The following TULP4 variants were observed in gnomAD, a reference collection of about 807,000 sequenced individuals.
The protein encoded by TULP4 is TUB like protein 4, also known as tubby-related protein 4.
TULP4 carries 16 observed loss-of-function variants against 129.0 expected under a neutral mutation model. The ratio of observed to expected loss-of-function variants is 0.12; its 90% confidence interval spans 0.08 to 0.19. The LOEUF (loss-of-function observed/expected upper bound fraction) is 0.19. Among genes scored for constraint, TULP4 ranks in the 10% least tolerant of loss-of-function variants. The pLI is 1.00. For synonymous variants in TULP4, 998 were observed against 854.0 expected (o/e 1.17, Z -2.94); for missense variants, 1,842 against 2,059.1 (o/e 0.89, Z 2.04).
At chr6:158,254,035 T>C (rs937892387) in intron 1 of TULP4, among the ~76,000 whole-genome samples, 1 of 151,034 alleles carries the variant, frequency 6.6e-6, no homozygotes, top group Non-Finnish European at 1.5e-5. Context: ...CAAGACTCTG[T>C]CTCAAAAAAA....
At chr6:158,247,378 T>C (rs1778048579) in intron 1 of TULP4, among the ~76,000 whole-genome samples, 1 of 152,248 alleles carries the variant, frequency 6.6e-6, no homozygotes, top group African/African-American at 2.4e-5. Flanking sequence ...TTTGTATGTT[T>C]CAGCTATTGA....
rs1779891498 is a variant in TULP4, at chr6:158,331,742, T to TACGTGTATATACACGTGTATATATAC, written c.252+17479_252+17504dup. Reference sequence around the variant, plus strand: ...ACACACACACACATACGTATATATATACGTGTATATACACGTGTATATATA... The same window carrying TACGTGTATATACACGTGTATATATAC: ...ACACACACACACATACGTATATATATACGTGTATATACACGTGTATATATACACGTGTATATACACGTGTATATATA... On this transcript the variant is annotated intron_variant, in intron 1 of 13. Coordinates refer to ENST00000367097, the MANE Select transcript of TULP4 (RefSeq NM_020245.5). Among the ~76,000 whole-genome samples the TACGTGTATATACACGTGTATATATAC allele has an allele frequency of 1.8e-4, 2 of 11,348 alleles. 1 individual carries two copies. Among genetic ancestry groups the TACGTGTATATACACGTGTATATATAC allele is most frequent in the African/African-American group, 4.7e-4 (2 of 4,220 alleles). The allele number at this position is 11,348 out of a possible 152,430, so 7.4% of individuals were successfully genotyped here.
chr6:158,255,004 G>A (rs1183735080), intron 1 of TULP4, among the ~76,000 whole-genome samples: 4 of 152,224 alleles, frequency 2.6e-5, no homozygotes, highest in Non-Finnish European at 5.9e-5. Context: ...CCCAGGAGGT[G>A]GAGGTTGCAG....
intron 1 of TULP4, among the ~76,000 whole-genome samples, chr6:158,343,741 G>C (rs1780239535): frequency 6.6e-6 from 1 of 152,200 alleles, no homozygotes; most frequent in South Asian, 2.1e-4. Flanking sequence ...CCTGAACTAA[G>C]ACAGGCAGGA....
intron 2 of TULP4, among the ~76,000 whole-genome samples, chr6:158,421,084 G>T (rs1054955730): frequency 2.0e-5 from 3 of 152,114 alleles, no homozygotes; most frequent in Non-Finnish European, 2.9e-5. Flanking sequence ...ATTGGTGGCC[G>T]GGCGCGGTGG....
chr6:158,246,491 CAA>C (rs72465395), intron 1 of TULP4, among the ~76,000 whole-genome samples: 61 of 119,866 alleles, frequency 5.1e-4, no homozygotes, highest in Admixed American at 6.4e-4. Flanking sequence ...GACTCCATCT[CAA>C]AAAAAAAAAA....
intron 1 of TULP4, among the ~76,000 whole-genome samples, chr6:158,384,517 T>A (rs185966097): frequency 6.6e-6 from 1 of 152,280 alleles, no homozygotes; most frequent in African/African-American, 2.4e-5. Context: ...CTTGATCTCC[T>A]GACCTCATGA....
intron 1 of TULP4, among the ~76,000 whole-genome samples, chr6:158,377,090 A>G (rs189377888): frequency 1.3e-5 from 2 of 152,334 alleles, no homozygotes; most frequent in Admixed American, 1.3e-4. Context: ...AGATTTTTAA[A>G]TTATTGCTGT....
At chr6:158,277,034 G>T (rs1322557877) in intron 1 of TULP4, among the ~76,000 whole-genome samples, 1 of 152,060 alleles carries the variant, frequency 6.6e-6, no homozygotes, top group Non-Finnish European at 1.5e-5. Context: ...CAACTTCCCA[G>T]GCTCAGGTGG....
At chr6:158,311,706 G>A (rs1385644108), upstream of TULP4, among the ~76,000 whole-genome samples, 1 of 152,192 alleles carries the variant, frequency 6.6e-6, no homozygotes, top group Non-Finnish European at 1.5e-5. Flanking sequence ...AGCGACCATG[G>A]TCTCTGGAGG....
At position 158,510,832 on chromosome 6, in the gene TULP4, A is replaced by G. The variant is rs1780723063; in HGVS notation, c.*4138A>G. On this transcript the variant is annotated 3_prime_UTR_variant, in exon 14 of 14. Transcript: ENST00000367097. ...CTCAAATTCCTGAGTGTGCTCTGCC[A>G]TGTTACACGGTCTTCAAATTGAAAA... 1 of 152,244 alleles carries G rather than the reference A, an allele frequency of 6.6e-6. No homozygotes were observed. The highest frequency in any genetic ancestry group is 2.4e-5 in the African/African-American group (1 of 41,462). The allele number at this position is 152,244 out of a possible 1,614,324, so 9.4% of individuals were successfully genotyped here. A position where few individuals can be genotyped will look rare whatever the true frequency, so the allele number is the denominator to read the frequency against.
intron 2 of TULP4, among the ~76,000 whole-genome samples, chr6:158,415,154 C>G (rs1778178514): frequency 6.6e-6 from 1 of 152,186 alleles, no homozygotes. Flanking sequence ...TGAAAAATTT[C>G]TATCACCTAG....
intron 1 of TULP4, among the ~76,000 whole-genome samples, chr6:158,261,571 A>T (rs780303689): frequency 6.6e-5 from 10 of 152,214 alleles, no homozygotes; most frequent in African/African-American, 2.4e-4. Context: ...ATAAATGTCA[A>T]AATGAGACAG....
At chr6:158,388,653 G>GAAAA (rs11424136) in intron 1 of TULP4, among the ~76,000 whole-genome samples, 4 of 142,476 alleles carry the variant, frequency 2.8e-5, no homozygotes, top group Non-Finnish European at 3.0e-5. Flanking sequence ...TTTTCTAATG[G>GAAAA]AAAAAAAAAA....
chr6:158,238,160 T>G (rs948115923), intron 1 of TULP4: 42 of 764,440 alleles, frequency 5.5e-5, no homozygotes, highest in Admixed American at 2.8e-4. Flanking sequence ...ATATTAGACA[T>G]GCTAAGAAAT....
Position 158,247,744 on chromosome 6 carries a change from A to C in TULP4, n.68+15441A>C, listed in dbSNP as rs146023781. Among the ~76,000 whole-genome samples the C allele has an allele frequency of 3.7e-3, 565 of 152,326 alleles. 3 individuals are homozygous for C. Among genetic ancestry groups the C allele is most frequent in the African/African-American group, 0.013 (539 of 41,578 alleles). On this transcript the variant is annotated intron_variant and non_coding_transcript_variant, in intron 1 of 1. Coordinates refer to the TULP4 transcript ENST00000620026. ...GGCTATTAAGAGTGTGTTTACCTCC[A>C]TGGGGAAATGCACATCATTGTTACG... is the stretch of plus-strand genomic sequence containing the variant.
chr6:158,380,894 CAAA>C lies in TULP4; in HGVS notation c.253-32155_253-32153del, dbSNP rs1227720723. Among the ~76,000 whole-genome samples the C allele has an allele frequency of 1.2e-4, 9 of 72,260 alleles. No homozygotes were observed. The Admixed American group carries it at 1.5e-3, about 12-fold the overall frequency. The allele number at this position is 72,260 out of a possible 152,430, so 47.4% of individuals were successfully genotyped here. A position where few individuals can be genotyped will look rare whatever the true frequency, so the allele number is the denominator to read the frequency against. On this transcript the variant is annotated intron_variant, in intron 1 of 13. Transcript: ENST00000367097. ...GGGCGACAGAGCAAGACTCTGTCTC[CAAA>C]AAAAAAAAAAAAAAAGAAGAAGAAG... is the stretch of plus-strand genomic sequence containing the variant.
chr6:158,241,497 C>T (rs2128446196), intron 1 of TULP4, among the ~76,000 whole-genome samples: 1 of 152,024 alleles, frequency 6.6e-6, no homozygotes, highest in East Asian at 1.9e-4. Context: ...AATCCCGGCA[C>T]CTCGGGAGGC....
At chr6:158,476,612 G>A (rs943427506) in intron 6 of TULP4, among the ~76,000 whole-genome samples, 6 of 152,152 alleles carry the variant, frequency 3.9e-5, no homozygotes, top group Non-Finnish European at 7.3e-5. Context: ...CTAATTACCT[G>A]TGGGCTCTCT....
Sources: gnomAD v4.1 joint callset for allele counts (sites outside exome capture counted in the v4.1 genomes callset) on GRCh38, gnomAD v4.1.1 for gene constraint, MANE v1.5 for transcripts, NCBI Gene and HGNC (gene_info 2026-07-23, HGNC 2026-07-21) for gene names.